Variants in ZP1 observed in about 807,000 individuals in gnomAD.
ZP1 encodes the protein zona pellucida glycoprotein 1.
A neutral mutation model predicts 67.4 loss-of-function variants in ZP1; 58 were observed. That is an observed-to-expected ratio of 0.86 (90% CI 0.70 to 1.07). The LOEUF (loss-of-function observed/expected upper bound fraction) is 1.07. Among genes scored for constraint, ZP1 ranks in the 50% least tolerant of loss-of-function variants. The pLI, the probability that ZP1 is intolerant of heterozygous loss-of-function variation, is 0.00. For missense variants in ZP1, 759 were observed against 807.3 expected (o/e 0.94, Z 0.72); for synonymous variants, 333 against 332.7 (o/e 1.00, Z -0.01).
chr11:60,867,750 G>A lies in ZP1; in HGVS notation c.189G>A (p.Lys63=), dbSNP rs1326258820. Residue 63 remains lysine, a synonymous_variant, in exon 1 of 12, where the codon AAG becomes AAA. Transcript: ENST00000278853. ...FPRPGQTLRF[K]VVDEFGNRFD... ...GGCCAGGCCAGACTCTCCGCTTCAA[G>A]GTGGTGGGTGAGTGCTGGCAGAGTC... is the stretch of plus-strand genomic sequence containing the variant. 7.4e-6 allele frequency: 12 copies of A among 1,613,296 alleles called. No individual in the cohort carries two copies. The highest frequency in any genetic ancestry group is 1.0e-5 in the Non-Finnish European group (12 of 1,179,734).
chr11:60,868,907 T>G (rs1855515491), intron 1 of ZP1, among the ~76,000 whole-genome samples: 1 of 152,214 alleles, frequency 6.6e-6, no homozygotes, highest in Admixed American at 6.5e-5. Context: ...TGCTGCCGTG[T>G]GCTGTGAGCA....
Position 60,873,538 on chromosome 11 carries a change from G to C in ZP1, c.1404G>C (p.Gln468His). 3 of 1,612,536 alleles carry C rather than the reference G, an allele frequency of 1.9e-6. No individual in the cohort carries two copies. In the South Asian group the frequency reaches 3.3e-5, roughly 18 times the overall value. ...WGAPSANPFQ[Q>H]PQWPILSDGC... ...CTCCCAGTGCCAACCCCTTCCAGCAGCCCCAGTGGCCCATCCTGTCAGACG... is the reference window on the plus strand; with the variant it reads ...CTCCCAGTGCCAACCCCTTCCAGCACCCCCAGTGGCCCATCCTGTCAGACG... The change falls in exon 8 of 12, where the codon CAG becomes CAC. Residue 468 changes from glutamine to histidine, a missense_variant. By Grantham distance (24) the Gln-to-His change is conservative (BLOSUM62 0). Coordinates refer to ENST00000278853, the MANE Select transcript of ZP1 (RefSeq NM_207341.4).
Position 60,870,472 on chromosome 11 carries a change from A to C in ZP1, c.823A>C (p.Thr275Pro), listed in dbSNP as rs765539650. 6.2e-7 allele frequency: 1 copy of C among 1,606,128 alleles called. No individual in the cohort carries two copies. Among genetic ancestry groups the C allele is most frequent in the South Asian group, 1.1e-5 (1 of 89,544 alleles). Residue 275 changes from threonine (T) to proline (P), a missense_variant, in exon 4 of 12, where the codon ACA becomes CCA. Coordinates refer to ENST00000278853, the MANE Select transcript of ZP1 (RefSeq NM_207341.4). Reference protein sequence around the residue: ...TREVPCYYGNTATVQCFRDGY... With the variant: ...TREVPCYYGNPATVQCFRDGY... ...AGAGGTTCCCTGTTACTATGGCAACACAGGTACAACCTCCCACCCCAGCAA... is the reference window on the plus strand; with the variant it reads ...AGAGGTTCCCTGTTACTATGGCAACCCAGGTACAACCTCCCACCCCAGCAA...
In ZP1 at chr11:60,873,451, G is replaced by A. The variant is rs750553255; in HGVS notation, c.1317G>A (p.Glu439=). 16 of 1,613,536 alleles carry A rather than the reference G, an allele frequency of 9.9e-6. No homozygotes were observed. The highest frequency in any genetic ancestry group is 1.4e-5 in the Non-Finnish European group (16 of 1,179,646). Residue 439 remains glutamate (E), a synonymous_variant, in exon 8 of 12, where the codon GAG becomes GAA. Coordinates refer to ENST00000278853, the MANE Select transcript of ZP1 (RefSeq NM_207341.4). Reference sequence around the variant, plus strand: ...TGCTCCGAGAACCAGTCCATGTGGAGGTCCGGCTTCTGCAGAGGACAGACC... The same window carrying A: ...TGCTCCGAGAACCAGTCCATGTGGAAGTCCGGCTTCTGCAGAGGACAGACC... ...VRLLREPVHV[E]VRLLQRTDPN...
At chr11:60,870,852 T>C in intron 4 of ZP1, 105 bp from the exon 5 acceptor site, 1 of 1,270,590 alleles carries the variant, frequency 7.9e-7, no homozygotes, top group South Asian at 1.4e-5. Flanking sequence ...AGAGTAAGCG[T>C]CCATTCTCCT....
rs948914110 is a variant in ZP1 at position 60,869,998 on chromosome 11, TTTTG to T, written c.682+102_682+105del. 5.7e-6 allele frequency: 8 copies of T among 1,395,276 alleles called. No individual in the cohort carries two copies. The African/African-American group carries it at 1.0e-4, about 18-fold the overall frequency. The allele number at this position is 1,395,276 out of a possible 1,614,324, so 86.4% of individuals were successfully genotyped here. A position where few individuals can be genotyped will look rare whatever the true frequency, so the allele number is the denominator to read the frequency against. ...TTACTGGGCTCTAAGCCATTTCTTTTTTTGTTTTTTTCTTTTTTTAGAAAAAGAT... is the reference window on the plus strand; with the variant it reads ...TTACTGGGCTCTAAGCCATTTCTTTTTTTTTTTCTTTTTTTAGAAAAAGAT... On this transcript the variant is annotated intron_variant, in intron 3 of 11. Transcript: ENST00000278853.
chr11:60,868,605 C>T (rs1439986544), intron 1 of ZP1, among the ~76,000 whole-genome samples: 3 of 152,200 alleles, frequency 2.0e-5, no homozygotes, highest in Non-Finnish European at 2.9e-5. Context: ...CAGGGAATGC[C>T]CAGGCTGTTC....
chr11:60,872,287 T>TGTAA (rs1348713939), intron 6 of ZP1, among the ~76,000 whole-genome samples: 2 of 152,202 alleles, frequency 1.3e-5, no homozygotes, highest in Non-Finnish European at 2.9e-5. Flanking sequence ...GACTCTCTGA[T>TGTAA]GTAAGAGCTC....
intron 9 of ZP1, among the ~76,000 whole-genome samples, chr11:60,874,662 G>T (rs11230512): frequency 4.6e-5 from 7 of 152,232 alleles, no homozygotes; most frequent in Non-Finnish European, 1.0e-4. Flanking sequence ...TACGAAGTGC[G>T]GTGGTCCCCG....
intron 1 of ZP1, among the ~76,000 whole-genome samples, 174 bp downstream of exon 1, chr11:60,867,931 G>A (rs1243759106): frequency 6.6e-6 from 1 of 152,188 alleles, no homozygotes; most frequent in Non-Finnish European, 1.5e-5. Context: ...CATCACCCAG[G>A]GCAGCTTCTC....
At chr11:60,868,841 C>G (rs917886982) in intron 1 of ZP1, among the ~76,000 whole-genome samples, 11 of 152,222 alleles carry the variant, frequency 7.2e-5, no homozygotes, top group African/African-American at 2.7e-4. Flanking sequence ...GTGAAATACT[C>G]AGGCCAGTGC....
At chr11:60,868,045 T>C (rs958324743) in intron 1 of ZP1, among the ~76,000 whole-genome samples, 3 of 150,716 alleles carry the variant, frequency 2.0e-5, no homozygotes, top group Non-Finnish European at 3.0e-5. Flanking sequence ...TTTTCTTTTT[T>C]TTTTTTTTTT....
rs762797599 is a variant in ZP1 at position 60,874,958 on chromosome 11, C to T, written c.1598C>T (p.Ala533Val). ...GLVYLFCSTS[A>V]CHTSGLETCS... is the part of the protein sequence containing the mutation. ...GTTTACTTGTTCTGCAGCACCTCTG[C>T]CTGCCACACCTCAGGGCTGGAGACT... The change falls in exon 10 of 12, where the codon GCC becomes GTC. Residue 533 changes from alanine (A) to valine (V), a missense_variant. Ala to Val is a moderately conservative substitution (Grantham distance 64, BLOSUM62 0). Coordinates refer to ENST00000278853, the MANE Select transcript of ZP1 (RefSeq NM_207341.4). 1.0e-4 allele frequency: 168 copies of T among 1,614,124 alleles called. No homozygotes were observed. The highest frequency in any genetic ancestry group is 2.7e-4 in the Admixed American group (16 of 60,016).
chr11:60,875,378 T>C, intron 11 of ZP1, 130 bp downstream of exon 11: 1 of 1,509,710 alleles, frequency 6.6e-7, no homozygotes. Context: ...AGTGGGGAAC[T>C]AAGTGAAGAC....
rs1165267184 is a variant in ZP1, at chr11:60,873,748, A to G, written c.1545A>G (p.Ser515=). 3.7e-6 allele frequency: 6 copies of G among 1,614,086 alleles called. No homozygotes were observed. The highest frequency in any genetic ancestry group is 5.1e-6 in the Non-Finnish European group (6 of 1,180,036). ...TTGCTACCTTCGCCCTCCTGGACTC[A>G]GGCTCCCAGAGAGCCCTCAGAGGAC... ...FTVATFALLD[S]GSQRALRGLV... The change falls in exon 9 of 12, where the codon TCA becomes TCG. Residue 515 remains serine (S), a synonymous_variant. Transcript: ENST00000278853.
chr11:60,870,002 GT>G (rs1044595362), intron 3 of ZP1, 102 bp downstream of exon 3: 1 of 1,374,698 alleles, frequency 7.3e-7, no homozygotes, highest in Non-Finnish European at 9.6e-7. Flanking sequence ...TTCTTTTTTT[GT>G]TTTTTTCTTT....
At position 60,873,403 on chromosome 11, in the gene ZP1, G is replaced by A. The variant is rs776539408; in HGVS notation, c.1269G>A (p.Glu423=). 5 of 1,610,010 alleles carry A rather than the reference G, an allele frequency of 3.1e-6. No homozygotes were observed. Among genetic ancestry groups the A allele is most frequent in the African/African-American group, 2.7e-5 (2 of 74,832 alleles). ...AGACCTTCAGCTCGTACTATGGGGA[G>A]GATGACTATCCCATCGTGAGGCTGC... ...KDETFSSYYG[E]DDYPIVRLLR... is the part of the protein sequence containing the mutation. The change falls in exon 8 of 12, where the codon GAG becomes GAA. Residue 423 remains glutamate (E), a synonymous_variant. Coordinates refer to ENST00000278853, the MANE Select transcript of ZP1 (RefSeq NM_207341.4).
At chr11:60,874,665 G>A (rs1365695111) in intron 9 of ZP1, among the ~76,000 whole-genome samples, 1 of 152,232 alleles carries the variant, frequency 6.6e-6, no homozygotes, top group Non-Finnish European at 1.5e-5. Context: ...GAAGTGCGGT[G>A]GTCCCCGCCT....
In ZP1 at chr11:60,869,914, C is replaced by G; in HGVS notation, c.682+14C>G. On this transcript the variant is annotated intron_variant, in intron 3 of 11. Coordinates refer to ENST00000278853, the MANE Select transcript of ZP1 (RefSeq NM_207341.4). ...GAGATTACATAGGTACGCAGGACATCTGAGTGTACTTACCCTCTGTCTGGG... is the reference window on the plus strand; with the variant it reads ...GAGATTACATAGGTACGCAGGACATGTGAGTGTACTTACCCTCTGTCTGGG... The G allele has an allele frequency of 3.3e-6, 5 of 1,532,756 alleles. No individual in the cohort carries two copies. Among genetic ancestry groups the G allele is most frequent in the Non-Finnish European group, 4.4e-6 (5 of 1,137,294 alleles). 94.9% of individuals were successfully genotyped at this position (1,532,756 alleles called of 1,614,324 possible).
Sources: allele counts gnomAD v4.1 joint callset (sites outside exome capture counted in the v4.1 genomes callset), GRCh38; gene constraint gnomAD v4.1.1; transcripts MANE v1.5; gene names NCBI Gene and HGNC (gene_info 2026-07-23, HGNC 2026-07-21).